C5: variants seen among roughly 807,000 people sequenced by gnomAD.
The protein encoded by C5 is C3 and PZP-like alpha-2-macroglobulin domain-containing protein 4.
C5 carries 140 observed loss-of-function variants against 218.8 expected under a neutral mutation model. The observed-to-expected ratio is 0.64, with a 90% confidence interval of 0.56 to 0.74. The LOEUF (loss-of-function observed/expected upper bound fraction) is 0.74. Among genes scored for constraint, C5 ranks in the 30% least tolerant of loss-of-function variants. C5 has a pLI of 0.00. For synonymous variants in C5, 614 were observed against 682.3 expected (o/e 0.90, Z 1.56); for missense variants, 1,700 against 1,969.6 (o/e 0.86, Z 2.59).
intron 30 of C5, among the ~76,000 whole-genome samples, chr9:120,973,859 A>C (rs2046932387): frequency 6.6e-6 from 1 of 152,052 alleles, no homozygotes; most frequent in Non-Finnish European, 1.5e-5. Context: ...GGCGCCTATA[A>C]TCCCGCCTGC....
chr9:120,975,046 C>T (rs2046943174), intron 29 of C5, 115 bp from the exon 30 acceptor site: 4 of 1,189,124 alleles, frequency 3.4e-6, no homozygotes, highest in Admixed American at 3.4e-5. Flanking sequence ...GAAACTCCAG[C>T]TGACTCAGTA....
chr9:121,025,557 G>C lies in C5; in HGVS notation c.897C>G (p.Val299=). The change falls in exon 9 of 41, where the codon GTC becomes GTG. Residue 299 remains valine (V), a synonymous_variant. Coordinates refer to ENST00000223642, the MANE Select transcript of C5 (RefSeq NM_001735.3). ...NTMLINGIAQ[V]TFDSETAVKE... The stretch of plus-strand genomic sequence containing the variant: ...TGACTGCTGTTTCAGAATCAAATGT[G>C]ACTTGAGCAATTCCATTTATCAACT... 6.2e-7 allele frequency: 1 copy of C among 1,612,704 alleles called. No homozygotes were observed. The highest frequency in any genetic ancestry group is 8.5e-7 in the Non-Finnish European group (1 of 1,179,618).
At chr9:121,020,830 T>C (rs554300927) in intron 11 of C5, among the ~76,000 whole-genome samples, 1 of 152,210 alleles carries the variant, frequency 6.6e-6, no homozygotes, top group Non-Finnish European at 1.5e-5. Flanking sequence ...GAAGCCTCCA[T>C]TTCCTGAGCC....
chr9:121,071,335 A>G, the C5 span, among the ~76,000 whole-genome samples: 172 of 152,200 alleles, frequency 1.1e-3, no homozygotes, highest in African/African-American at 3.8e-3. Flanking sequence ...AACAAAAACA[A>G]GAACAAAAAA....
chr9:121,004,254 A>G (rs1420456293), intron 20 of C5, among the ~76,000 whole-genome samples: 1 of 152,118 alleles, frequency 6.6e-6, no homozygotes, highest in Admixed American at 6.6e-5. Context: ...ACTAATAATA[A>G]TATTTGTAAT....
the C5 span, among the ~76,000 whole-genome samples, chr9:121,056,783 G>A: frequency 6.6e-6 from 1 of 152,128 alleles, no homozygotes; most frequent in African/African-American, 2.4e-5. Context: ...GGGATGTAGA[G>A]AGAGAGAGAG....
At chr9:120,978,803 C>G (rs1236514755) in intron 28 of C5, among the ~76,000 whole-genome samples, 1 of 152,176 alleles carries the variant, frequency 6.6e-6, no homozygotes, top group African/African-American at 2.4e-5. Flanking sequence ...TAAGCCAGGT[C>G]ATGCACTCCT....
chr9:121,029,843 G>T (rs2047458843), intron 7 of C5, among the ~76,000 whole-genome samples: 1 of 152,174 alleles, frequency 6.6e-6, no homozygotes, highest in African/African-American at 2.4e-5. Context: ...GATGATGAGA[G>T]GCACACACAC....
At chr9:120,987,582 G>A (rs377662413) in intron 25 of C5, among the ~76,000 whole-genome samples, 2 of 143,952 alleles carry the variant, frequency 1.4e-5, no homozygotes, top group Admixed American at 7.2e-5. Flanking sequence ...AGGTTGCAGT[G>A]AGCCGAGATC....
At chr9:121,002,246 A>ATATATG (rs2047172307) in intron 20 of C5, among the ~76,000 whole-genome samples, 5 of 41,696 alleles carry the variant, frequency 1.2e-4, no homozygotes, top group African/African-American at 3.1e-4. Context: ...ATGTATATGT[A>ATATATG]TATATATGTA....
chr9:121,006,171 T>C (rs144979717), intron 19 of C5, 113 bp from the exon 20 acceptor site: 1 of 997,192 alleles, frequency 1.0e-6, no homozygotes, highest in Non-Finnish European at 1.5e-6. Context: ...TAATATTAGA[T>C]CATGTTTTTC....
rs558273667 is a variant in C5, at chr9:120,956,199, C to T, written c.4762+1086G>A. 1.5e-4 allele frequency among the ~76,000 whole-genome samples: 23 copies of T among 152,160 alleles called. No individual in the cohort carries two copies. In the South Asian group the frequency reaches 4.4e-3, roughly 29 times the overall value. ...ATCCCAGCTACTCAGGAGGCTGAGG[C>T]AGGAGAATCACTTGAACCTGGGAAA... On this transcript the variant is annotated intron_variant, in intron 39 of 40. Coordinates refer to ENST00000223642, the MANE Select transcript of C5 (RefSeq NM_001735.3).
intron 11 of C5, among the ~76,000 whole-genome samples, chr9:121,021,020 A>T (rs1456647018): frequency 6.6e-6 from 1 of 152,142 alleles, no homozygotes. Flanking sequence ...CTTTGTAACT[A>T]TGTTACTATG....
the C5 span, among the ~76,000 whole-genome samples, chr9:121,061,301 C>CA: frequency 3.2e-3 from 490 of 152,316 alleles, no homozygotes; most frequent in African/African-American, 0.011. Flanking sequence ...TTCAAAAAAG[C>CA]AGGAAAAATG....
chr9:120,997,554 C>T lies in C5; in HGVS notation c.2783G>A (p.Arg928Gln), dbSNP rs41309892. Residue 928 changes from arginine (R) to glutamine (Q), a missense_variant, in exon 21 of 41, where the codon CGA becomes CAA. Physicochemically the swap from Arg to Gln is conservative, Grantham distance 43. Coordinates refer to ENST00000223642, the MANE Select transcript of C5 (RefSeq NM_001735.3). ...FGKEILVKTLRVVPEGVKRES... is the reference protein window; with the variant it reads ...FGKEILVKTLQVVPEGVKRES... The stretch of plus-strand genomic sequence containing the variant: ...GAAGCATGTTTTTCTTACCACCACT[C>T]GTAATGTTTTTACTAAGATTTCTTT... 2,510 of 1,610,228 alleles carry T rather than the reference C, an allele frequency of 1.6e-3. 26 individuals are homozygous for T. In the African/African-American group the frequency reaches 0.028, roughly 18 times the overall value.
chr9:120,953,638 G>T, intron 40 of C5, 92 bp downstream of exon 40: 2 of 1,255,924 alleles, frequency 1.6e-6, no homozygotes, highest in Non-Finnish European at 2.3e-6. Flanking sequence ...TTGGTTAAGA[G>T]CAGGGCCATA....
intron 8 of C5, 53 bp from the exon 9 acceptor site, chr9:121,025,633 A>C: frequency 6.4e-7 from 1 of 1,550,858 alleles, no homozygotes. Flanking sequence ...CTTATAAGGA[A>C]AAATTAATAA....
At position 121,028,123 on chromosome 9, in the gene C5, G is replaced by A. The variant is rs528624054; in HGVS notation, c.759-849C>T. ...CATCATCACTGGTCATCAGAGAAATGCAAATCAAAACCACAATGAGATACC... is the reference window on the plus strand; with the variant it reads ...CATCATCACTGGTCATCAGAGAAATACAAATCAAAACCACAATGAGATACC... On this transcript the variant is annotated intron_variant, in intron 7 of 40. Transcript: ENST00000223642. 1.3e-4 allele frequency among the ~76,000 whole-genome samples: 20 copies of A among 152,302 alleles called. 1 individual carries two copies. The South Asian group carries it at 3.9e-3, about 30-fold the overall frequency.
intron 20 of C5, among the ~76,000 whole-genome samples, chr9:121,003,168 G>T (rs1006912357): frequency 3.3e-5 from 5 of 152,106 alleles, no homozygotes; most frequent in African/African-American, 7.2e-5. Flanking sequence ...GCACATGCTT[G>T]TAATCCCAGC....
Sources: allele counts gnomAD v4.1 joint callset (sites outside exome capture counted in the v4.1 genomes callset), GRCh38; gene constraint gnomAD v4.1.1; transcripts MANE v1.5; gene names NCBI Gene and HGNC (gene_info 2026-07-23, HGNC 2026-07-21).